Variants in C12orf42 observed in about 807,000 individuals in gnomAD.
C12orf42 encodes the protein chromosome 12 open reading frame 42, also known as uncharacterized protein C12orf42.
C12orf42 carries 25 observed loss-of-function variants against 21.6 expected under a neutral mutation model. The ratio of observed to expected loss-of-function variants is 1.16; its 90% CI spans 0.84 to 1.62. The LOEUF is 1.62. Ranked by LOEUF, C12orf42 falls within the 40% of genes most tolerant of loss-of-function variation. The pLI is 0.00. For missense variants in C12orf42, 483 were observed against 459.3 expected, an observed-to-expected ratio of 1.05 and a Z score of -0.47; for synonymous variants, 174 against 175.0, an observed-to-expected ratio of 0.99 and a Z score of 0.05.
chr12:103,403,547 A>C (rs2048193981), intron 2 of C12orf42, among the ~76,000 whole-genome samples: 1 of 152,208 alleles, frequency 6.6e-6, no homozygotes, highest in South Asian at 2.1e-4. Flanking sequence ...GCCAGGGCTC[A>C]AATTTCAGAA....
chr12:103,472,132 G>T (rs1382703656), intron 2 of C12orf42: 1 of 128,226 alleles, frequency 7.8e-6, no homozygotes, highest in Non-Finnish European at 1.5e-5. Flanking sequence ...TCGGCTCACT[G>T]CAAGCTCCGC....
At chr12:103,167,910 G>C in the C12orf42 span, 4 of 239,912 alleles carry the variant, frequency 1.7e-5, no homozygotes, top group East Asian at 6.7e-4. Context: ...GTGTGTGTGT[G>C]TGTTTGTGTC....
chr12:103,152,117 A>G, the C12orf42 span, among the ~76,000 whole-genome samples: 2 of 152,242 alleles, frequency 1.3e-5, no homozygotes, highest in Admixed American at 1.3e-4. Flanking sequence ...AGAGACCTCA[A>G]TGGTACAACT....
the C12orf42 span, chr12:103,547,782 CT>C: frequency 6.6e-6 from 1 of 152,204 alleles, no homozygotes; most frequent in Non-Finnish European, 1.5e-5. Context: ...GATTTGCACA[CT>C]GTGACAACAC....
intron 2 of C12orf42, among the ~76,000 whole-genome samples, chr12:103,411,198 G>A (rs1593879134): frequency 1.3e-5 from 2 of 152,026 alleles, no homozygotes; most frequent in East Asian, 3.9e-4. Flanking sequence ...CAGCTAATTT[G>A]CTCTATATAT....
chr12:103,414,720 C>T (rs1370263784), intron 2 of C12orf42, among the ~76,000 whole-genome samples: 1 of 152,170 alleles, frequency 6.6e-6, no homozygotes, highest in Non-Finnish European at 1.5e-5. Flanking sequence ...TATAGAAATA[C>T]TACTGATTTT....
At chr12:103,505,765 C>T in the C12orf42 span, among the ~76,000 whole-genome samples, 3 of 152,308 alleles carry the variant, frequency 2.0e-5, no homozygotes, top group African/African-American at 4.8e-5. Flanking sequence ...CAGCTGATCA[C>T]GTGATGGTGG....
chr12:103,114,247 G>T, the C12orf42 span, among the ~76,000 whole-genome samples: 2 of 152,158 alleles, frequency 1.3e-5, no homozygotes, highest in South Asian at 4.1e-4. Context: ...TGTGTTTTAC[G>T]TTTTAAAGAA....
chr12:103,099,324 T>A, the C12orf42 span, among the ~76,000 whole-genome samples: 35 of 152,352 alleles, frequency 2.3e-4, no homozygotes, highest in Admixed American at 1.2e-3. Flanking sequence ...CTCATCTCTA[T>A]GTGTTTAGTC....
chr12:103,392,274 C>G (rs112995563), intron 3 of C12orf42, among the ~76,000 whole-genome samples: 81 of 152,062 alleles, frequency 5.3e-4, no homozygotes, highest in African/African-American at 1.9e-3. Context: ...TGAATTGGTT[C>G]TTTTTCAAGA....
chr12:103,366,265 A>C (rs2044592458), intron 4 of C12orf42, among the ~76,000 whole-genome samples: 1 of 152,160 alleles, frequency 6.6e-6, no homozygotes, highest in Non-Finnish European at 1.5e-5. Flanking sequence ...AGCCACATGT[A>C]GAAGAATGAA....
intron 1 of C12orf42, among the ~76,000 whole-genome samples, chr12:103,495,163 G>A (rs1955437191): frequency 6.6e-6 from 1 of 151,462 alleles, no homozygotes; most frequent in Non-Finnish European, 1.5e-5. Flanking sequence ...CAGGGGTAAG[G>A]AGCGCTGAAG....
chr12:103,085,829 G>A, the C12orf42 span, among the ~76,000 whole-genome samples: 1 of 152,070 alleles, frequency 6.6e-6, no homozygotes, highest in Non-Finnish European at 1.5e-5. Context: ...GTAATCCTCT[G>A]GCACTAACCC....
At chr12:103,301,011 T>TA (rs1301226271), downstream of C12orf42, among the ~76,000 whole-genome samples, 5 of 152,228 alleles carry the variant, frequency 3.3e-5, no homozygotes, top group Admixed American at 2.0e-4. Flanking sequence ...ATGCTAATAA[T>TA]AAAAAAAGTA....
rs568374748 is a variant in C12orf42, at chr12:103,485,672, C to T, written c.-21-7225G>A. On this transcript the variant is annotated intron_variant, in intron 1 of 5. Transcript: ENST00000548883. The stretch of plus-strand genomic sequence containing the variant: ...TTGAGCAGTGGTTTGTAGTTCTCCT[C>T]AAAGAGGTCCTTCACATCCCTTGTA... Among the ~76,000 whole-genome samples, 5 of 152,204 alleles carry T rather than the reference C, an allele frequency of 3.3e-5. No homozygotes were observed. The East Asian group carries it at 5.8e-4, about 18-fold the overall frequency.
the C12orf42 span, among the ~76,000 whole-genome samples, chr12:103,149,309 T>C: frequency 6.6e-6 from 1 of 152,174 alleles, no homozygotes; most frequent in African/African-American, 2.4e-5. Flanking sequence ...ATGATAAAGG[T>C]TGCCCCAAGA....
chr12:103,064,898 C>T, the C12orf42 span, among the ~76,000 whole-genome samples: 4 of 152,182 alleles, frequency 2.6e-5, no homozygotes, highest in East Asian at 3.9e-4. Flanking sequence ...TCAGGTCCAA[C>T]TTACAGTGGG....
At chr12:103,204,062 A>C in the C12orf42 span, among the ~76,000 whole-genome samples, 1 of 152,174 alleles carries the variant, frequency 6.6e-6, no homozygotes, top group African/African-American at 2.4e-5. Flanking sequence ...CCCACTATGC[A>C]GGCACAGCTT....
At chr12:103,218,736 A>G in the C12orf42 span, among the ~76,000 whole-genome samples, 1 of 152,246 alleles carries the variant, frequency 6.6e-6, no homozygotes, top group Non-Finnish European at 1.5e-5. Context: ...AAGGAGAAAT[A>G]TGAGGCAGAA....
Sources: gnomAD v4.1 joint callset for allele counts (sites outside exome capture counted in the v4.1 genomes callset) on GRCh38, gnomAD v4.1.1 for gene constraint, MANE v1.5 for transcripts, NCBI Gene and HGNC (gene_info 2026-07-23, HGNC 2026-07-21) for gene names.